The following HEATR3 variants were observed in gnomAD, a reference collection of about 807,000 sequenced individuals.
HEATR3 encodes the protein HEAT repeat containing 3.
In HEATR3, 56 loss-of-function variants were observed where a neutral mutation model predicts 72.8. That is an observed-to-expected ratio of 0.77 (90% confidence interval 0.62 to 0.96). The LOEUF is 0.96. Ranked by LOEUF, HEATR3 falls within the 40% of genes least tolerant of loss-of-function variation. HEATR3 has a pLI of 0.00. For synonymous variants in HEATR3, 331 were observed against 318.1 expected (o/e 1.04, Z -0.43); for missense variants, 747 against 831.4 (o/e 0.90, Z 1.25).
chr16:50,072,472 G>A (rs531057902), intron 4 of HEATR3, 133 bp from the exon 5 acceptor site: 7 of 615,178 alleles, frequency 1.1e-5, no homozygotes, highest in South Asian at 4.0e-5. Context: ...TTCCTTCATC[G>A]ATAAAAATGG....
In HEATR3 at chr16:50,066,371, A is replaced by G. The variant is rs763391248; in HGVS notation, c.143A>G (p.Gln48Arg). The part of the protein sequence containing the change: ...GPAAELLEKL[Q>R]HPSAEVRECA... ...CCTTTTCGCTCTCATCCGCAGCTCC[A>G]GCACCCGAGCGCCGAGGTCCGCGAG... The change falls in exon 2 of 15, where the codon CAG (glutamine) becomes CGG (arginine). Residue 48 changes from glutamine to arginine, a missense_variant. This residue lies in a region of HEATR3 where 161 missense variants were observed against 122.6 expected (regional missense o/e 1.31). Coordinates refer to ENST00000299192, the MANE Select transcript of HEATR3 (RefSeq NM_182922.4). 7.1e-6 allele frequency: 11 copies of G among 1,551,238 alleles called. No homozygotes were observed. Among genetic ancestry groups the G allele is most frequent in the Non-Finnish European group, 8.6e-6 (10 of 1,159,772 alleles).
chr16:50,068,307 T>C (rs1183333380), intron 2 of HEATR3, among the ~76,000 whole-genome samples: 2 of 152,154 alleles, frequency 1.3e-5, no homozygotes, highest in African/African-American at 4.8e-5. Context: ...TCGCTTTTTA[T>C]TTTATTTTAT....
chr16:50,079,182 A>T (rs1357599141), intron 7 of HEATR3, among the ~76,000 whole-genome samples, 164 bp downstream of exon 7: 1 of 152,174 alleles, frequency 6.6e-6, no homozygotes, highest in Non-Finnish European at 1.5e-5. Flanking sequence ...TGTCATTAAA[A>T]ATCTCCTAAA....
chr16:50,072,013 A>G (rs938259210), intron 4 of HEATR3, among the ~76,000 whole-genome samples: 1 of 152,222 alleles, frequency 6.6e-6, no homozygotes, highest in Non-Finnish European at 1.5e-5. Context: ...ATTGCACTCT[A>G]AAAGGCTTGA....
chr16:50,082,110 G>A (rs1243692989), intron 7 of HEATR3, among the ~76,000 whole-genome samples: 2 of 152,136 alleles, frequency 1.3e-5, no homozygotes, highest in African/African-American at 4.8e-5. Flanking sequence ...GGGAGGCCAG[G>A]GTGGGTGGAT....
chr16:50,102,233 T>C (rs2037383199), intron 13 of HEATR3, 26 bp from the exon 14 acceptor site: 1 of 1,601,610 alleles, frequency 6.2e-7, no homozygotes, highest in Non-Finnish European at 8.5e-7. Flanking sequence ...GTGTTAGTCA[T>C]ACTAAATGTG....
chr16:50,103,494 A>C (rs2037412720), intron 14 of HEATR3, among the ~76,000 whole-genome samples: 1 of 152,196 alleles, frequency 6.6e-6, no homozygotes, highest in Non-Finnish European at 1.5e-5. Flanking sequence ...ACTTCTCTTG[A>C]GCAGTGTTTC....
intron 2 of HEATR3, among the ~76,000 whole-genome samples, chr16:50,067,480 C>G (rs888044891): frequency 2.6e-5 from 4 of 151,836 alleles, no homozygotes; most frequent in African/African-American, 9.7e-5. Flanking sequence ...AGCAAAGAAG[C>G]GAAGCAGCAG....
At chr16:50,083,781 T>TCA (rs1411119421) in intron 7 of HEATR3, among the ~76,000 whole-genome samples, 156 bp from the exon 8 acceptor site, 2 of 152,194 alleles carry the variant, frequency 1.3e-5, no homozygotes, top group Non-Finnish European at 2.9e-5. Flanking sequence ...CGTTTGTACT[T>TCA]CTGGCACTTC....
At chr16:50,079,440 A>G (rs2036817070) in intron 7 of HEATR3, among the ~76,000 whole-genome samples, 1 of 152,188 alleles carries the variant, frequency 6.6e-6, no homozygotes, top group Non-Finnish European at 1.5e-5. Context: ...CAAGGTGGCA[A>G]ACCAAACCTT....
intron 2 of HEATR3, among the ~76,000 whole-genome samples, chr16:50,068,462 A>C (rs757801416): frequency 1.3e-5 from 2 of 152,116 alleles, no homozygotes; most frequent in African/African-American, 2.4e-5. Context: ...TCTTGATTCC[A>C]AGAAAAGGTC....
At chr16:50,084,709 G>A (rs2150610660) in intron 10 of HEATR3, 58 bp downstream of exon 10, 2 of 1,334,458 alleles carry the variant, frequency 1.5e-6, no homozygotes, top group East Asian at 2.3e-5. Flanking sequence ...TGAAATGATG[G>A]GCTATTAAAT....
intron 12 of HEATR3, among the ~76,000 whole-genome samples, chr16:50,097,200 G>A (rs983383208): frequency 2.0e-5 from 3 of 151,950 alleles, no homozygotes; most frequent in Non-Finnish European, 4.4e-5. Context: ...AAATAGTGAT[G>A]CTGAGATTAA....
At chr16:50,088,941 G>A (rs1204615622) in intron 11 of HEATR3, among the ~76,000 whole-genome samples, 2 of 152,098 alleles carry the variant, frequency 1.3e-5, no homozygotes, top group Admixed American at 6.5e-5. Flanking sequence ...AGGTACCCCC[G>A]GTCCCATCCC....
chr16:50,090,913 G>A (rs572059100), intron 11 of HEATR3, among the ~76,000 whole-genome samples: 1 of 152,140 alleles, frequency 6.6e-6, no homozygotes. Flanking sequence ...GATAGGCCAA[G>A]GCAGTTGGAT....
intron 12 of HEATR3, among the ~76,000 whole-genome samples, chr16:50,097,488 C>G (rs1286835784): frequency 6.6e-6 from 1 of 151,334 alleles, no homozygotes; most frequent in Non-Finnish European, 1.5e-5. Flanking sequence ...CTGCCAAATT[C>G]ATCCCATCTT....
intron 6 of HEATR3, among the ~76,000 whole-genome samples, chr16:50,076,636 C>G (rs145624478): frequency 1.4e-4 from 21 of 152,146 alleles, no homozygotes; most frequent in African/African-American, 5.1e-4. Flanking sequence ...CTCCTGGGCT[C>G]AAGTGATCTT....
chr16:50,096,673 C>T lies in HEATR3; in HGVS notation c.1599+1880C>T, dbSNP rs541103093. 2.6e-5 allele frequency among the ~76,000 whole-genome samples: 4 copies of T among 152,194 alleles called. No individual in the cohort carries two copies. In the East Asian group the frequency reaches 7.8e-4, roughly 30 times the overall value. On this transcript the variant is annotated intron_variant, in intron 12 of 14. Transcript: ENST00000299192. ...AATCAGCCGGGCATGGTGGCAGGCA[C>T]CTGTAATCCCAGCTACTTGGAAGGC...
At chr16:50,073,320 AG>A (rs2036653614) in intron 5 of HEATR3, 1 of 152,526 alleles carries the variant, frequency 6.6e-6, no homozygotes, top group African/African-American at 2.4e-5. Context: ...GTCAGAGCAT[AG>A]GCAACTCAGC....
Sources: allele counts gnomAD v4.1 joint callset (sites outside exome capture counted in the v4.1 genomes callset), GRCh38; gene constraint gnomAD v4.1.1; regional missense constraint gnomAD v4.1.1; transcripts MANE v1.5; gene names NCBI Gene and HGNC (gene_info 2026-07-23, HGNC 2026-07-21).